NEGR1: variants seen among roughly 807,000 people sequenced by gnomAD.
NEGR1 encodes the protein neuronal growth regulator 1, also known as IgLON family member 4.
Under a neutral mutation model 40.9 loss-of-function variants are expected in NEGR1, and 10 were observed. The ratio of observed to expected loss-of-function variants is 0.24; its 90% CI spans 0.15 to 0.42. The LOEUF (loss-of-function observed/expected upper bound fraction) is 0.42. NEGR1 is among the 10% of genes least tolerant of loss of function. NEGR1 has a pLI of 1.00. For synonymous variants in NEGR1, 185 were observed against 166.8 expected, an observed-to-expected ratio of 1.11 and a Z score of -0.84; for missense variants, 352 against 438.9, an observed-to-expected ratio of 0.80 and a Z score of 1.77.
chr1:71,866,066 C>G, intron 2 of NEGR1, among the ~76,000 whole-genome samples: 1 of 151,914 alleles, frequency 6.6e-6, no homozygotes, highest in Non-Finnish European at 1.5e-5. Flanking sequence ...CCTTTCCTTT[C>G]AACTATATAA....
chr1:71,401,632 C>T lies in NEGR1; in HGVS notation c.*5814G>A, dbSNP rs1394466799. On this transcript the variant is annotated 3_prime_UTR_variant, in exon 7 of 7. Transcript: ENST00000357731. ...TTTCAATATAAATGGCCTCAAACAA[C>T]ATCACTCAGATTAAAATCAGTATTG... 2 of 152,184 alleles carry T rather than the reference C, an allele frequency of 1.3e-5. No homozygotes were observed. Among genetic ancestry groups the T allele is most frequent in the Non-Finnish European group, 2.9e-5 (2 of 68,036 alleles). The allele number at this position is 152,184 out of a possible 1,614,324, so 9.4% of individuals were successfully genotyped here.
chr1:72,095,180 T>C (rs1648651316), intron 1 of NEGR1, among the ~76,000 whole-genome samples: 1 of 152,042 alleles, frequency 6.6e-6, no homozygotes, highest in Non-Finnish European at 1.5e-5. Context: ...TTTTAGGATA[T>C]ATACATACAT....
At chr1:71,771,372 A>G (rs1186426592) in intron 3 of NEGR1, among the ~76,000 whole-genome samples, 1 of 152,054 alleles carries the variant, frequency 6.6e-6, no homozygotes, top group Non-Finnish European at 1.5e-5. Flanking sequence ...GGGTGCAGCA[A>G]ACCACCATGG....
At chr1:71,944,914 T>C (rs563575427) in intron 1 of NEGR1, among the ~76,000 whole-genome samples, 5 of 152,320 alleles carry the variant, frequency 3.3e-5, no homozygotes, top group African/African-American at 1.2e-4. Context: ...GAAAATGGAC[T>C]AAACCATAAT....
In NEGR1 at chr1:71,681,262, AAAT is replaced by A. The variant is rs1258871992; in HGVS notation, c.667+16743_667+16745del. Among the ~76,000 whole-genome samples the A allele has an allele frequency of 3.3e-5, 5 of 152,262 alleles. No homozygotes were observed. In the East Asian group the frequency reaches 9.6e-4, roughly 29 times the overall value. ...TTCTATTCTTTCTGTAACAATAAGA[AAAT>A]AAGATTTTGGTGTTCAATGCAAACA... On this transcript the variant is annotated intron_variant, in intron 4 of 6. Transcript: ENST00000357731.
intron 1 of NEGR1, among the ~76,000 whole-genome samples, chr1:72,205,802 C>T (rs537917956): frequency 7.0e-6 from 1 of 142,524 alleles, no homozygotes; most frequent in Non-Finnish European, 1.5e-5. Flanking sequence ...ATTAGTCAGG[C>T]ATGGTGGTGC....
intron 1 of NEGR1, among the ~76,000 whole-genome samples, chr1:71,995,174 CAGAGGATTTGAG>C (rs1314682881): frequency 3.9e-5 from 6 of 152,168 alleles, no homozygotes; most frequent in Admixed American, 1.3e-4. Context: ...ACACTCAGAT[CAGAGGATTTGAG>C]AGCTGGCATT....
At chr1:72,085,188 T>A (rs1019622472) in intron 1 of NEGR1, among the ~76,000 whole-genome samples, 1 of 152,342 alleles carries the variant, frequency 6.6e-6, no homozygotes, top group African/African-American at 2.4e-5. Flanking sequence ...GAAATGCATG[T>A]AATGCATAAT....
chr1:71,898,891 TATTGCAAATATATATATA>T lies in NEGR1; in HGVS notation c.409+36170_409+36187del, dbSNP rs1455386818. ...AATATATATATTGCAAATATATATA[TATTGCAAATATATATATA>T]TTGCAAATATATATTTGCAAATATA... On this transcript the variant is annotated intron_variant, in intron 2 of 6. Transcript: ENST00000357731. Among the ~76,000 whole-genome samples, 12 of 135,198 alleles carry T rather than the reference TATTGCAAATATATATATA, an allele frequency of 8.9e-5. No homozygotes were observed. The East Asian group carries it at 1.9e-3, about 21-fold the overall frequency. The allele number at this position is 135,198 out of a possible 152,430, so 88.7% of individuals were successfully genotyped here.
At chr1:71,798,557 A>G (rs1274937640) in intron 2 of NEGR1, among the ~76,000 whole-genome samples, 1 of 152,182 alleles carries the variant, frequency 6.6e-6, no homozygotes, top group African/African-American at 2.4e-5. Context: ...CATCTTCACA[A>G]TATTTATGTG....
At chr1:71,483,280 T>C (rs376173428) in intron 6 of NEGR1, among the ~76,000 whole-genome samples, 3 of 151,380 alleles carry the variant, frequency 2.0e-5, no homozygotes, top group East Asian at 3.9e-4. Flanking sequence ...TATGAGACCA[T>C]GTAGGGTTTT....
intron 1 of NEGR1, among the ~76,000 whole-genome samples, chr1:72,012,419 G>A (rs1214975602): frequency 1.3e-5 from 2 of 151,966 alleles, no homozygotes; most frequent in African/African-American, 4.8e-5. Flanking sequence ...TGCTACGGTC[G>A]AGCCAAATCA....
At chr1:72,071,172 G>C (rs532321309) in intron 1 of NEGR1, among the ~76,000 whole-genome samples, 1 of 151,904 alleles carries the variant, frequency 6.6e-6, no homozygotes, top group African/African-American at 2.4e-5. Flanking sequence ...CTAGAAAAGT[G>C]TTTATTGAAA....
chr1:72,111,899 G>GGA (rs1239728588), intron 1 of NEGR1, among the ~76,000 whole-genome samples: 2 of 151,742 alleles, frequency 1.3e-5, no homozygotes, highest in Non-Finnish European at 2.9e-5. Flanking sequence ...CTCCTACATA[G>GGA]GAGATAATTA....
intron 1 of NEGR1, among the ~76,000 whole-genome samples, chr1:71,965,432 G>A (rs919635466): frequency 6.6e-6 from 1 of 152,098 alleles, no homozygotes; most frequent in Non-Finnish European, 1.5e-5. Context: ...GGCCACTTAA[G>A]CATGCTTCAT....
intron 3 of NEGR1, among the ~76,000 whole-genome samples, chr1:71,748,776 G>T (rs1655470238): frequency 6.6e-6 from 1 of 151,912 alleles, no homozygotes; most frequent in South Asian, 2.1e-4. Flanking sequence ...ATTTCACTTT[G>T]GCATGAAAAA....
At chr1:71,528,964 T>C (rs1400408298) in intron 6 of NEGR1, among the ~76,000 whole-genome samples, 1 of 151,218 alleles carries the variant, frequency 6.6e-6, no homozygotes, top group African/African-American at 2.4e-5. Flanking sequence ...CTTTTTTTGG[T>C]TTATTTTTAG....
intron 1 of NEGR1, among the ~76,000 whole-genome samples, chr1:72,081,656 T>TTGAA (rs1403661709): frequency 1.3e-5 from 2 of 152,094 alleles, no homozygotes; most frequent in African/African-American, 4.8e-5. Flanking sequence ...TGAATATTAA[T>TTGAA]TGAATGAATG....
chr1:71,947,305 GTC>G (rs997032113), intron 1 of NEGR1, among the ~76,000 whole-genome samples: 5 of 151,814 alleles, frequency 3.3e-5, no homozygotes, highest in Non-Finnish European at 5.9e-5. Context: ...AGGAAATAAA[GTC>G]CAGAATGAAT....
Sources: allele counts gnomAD v4.1 joint callset (sites outside exome capture counted in the v4.1 genomes callset), GRCh38; gene constraint gnomAD v4.1.1; transcripts MANE v1.5; gene names NCBI Gene and HGNC (gene_info 2026-07-23, HGNC 2026-07-21).